The following ETV6 variants were observed in gnomAD, a reference collection of about 807,000 sequenced individuals.
ETV6 encodes the protein ETS variant transcription factor 6, also known as transcription factor ETV6.
In ETV6, 16 loss-of-function variants were observed where a neutral mutation model predicts 51.1. That is an observed-to-expected ratio of 0.31 (90% confidence interval 0.21 to 0.48). The LOEUF (loss-of-function observed/expected upper bound fraction) is 0.48. ETV6 is among the 20% of genes least tolerant of loss of function. The probability of loss-of-function intolerance (pLI) is 0.99; values close to 1 mark genes in which losing one functional copy is unlikely to be tolerated. For missense variants in ETV6, 458 were observed against 594.8 expected (o/e 0.77, Z 2.39); for synonymous variants, 240 against 224.1 (o/e 1.07, Z -0.64).
chr12:11,775,957 A>G (rs1305376760), intron 2 of ETV6, among the ~76,000 whole-genome samples: 1 of 152,212 alleles, frequency 6.6e-6, no homozygotes, highest in East Asian at 1.9e-4. Flanking sequence ...CAGCATTTCT[A>G]AAGTTCTAGA....
chr12:11,829,998 G>C (rs1323709026), intron 2 of ETV6, among the ~76,000 whole-genome samples: 2 of 152,180 alleles, frequency 1.3e-5, no homozygotes, highest in Non-Finnish European at 2.9e-5. Flanking sequence ...CTGGCCTGGG[G>C]GTTTTGAGCA....
intron 2 of ETV6, among the ~76,000 whole-genome samples, chr12:11,794,792 T>C (rs1343157942): frequency 1.3e-5 from 2 of 152,242 alleles, no homozygotes; most frequent in Admixed American, 6.5e-5. Context: ...TCTCTAGTTA[T>C]CATTCCATGC....
chr12:11,827,884 C>T (rs752174714), intron 2 of ETV6, among the ~76,000 whole-genome samples: 7 of 152,118 alleles, frequency 4.6e-5, no homozygotes, highest in Non-Finnish European at 1.0e-4. Context: ...ATTCAGGCAC[C>T]CTCAGGAGAG....
intron 2 of ETV6, among the ~76,000 whole-genome samples, chr12:11,773,194 A>C (rs1288958822): frequency 6.9e-6 from 1 of 144,666 alleles, no homozygotes; most frequent in Non-Finnish European, 1.5e-5. Flanking sequence ...CTCCATCTCA[A>C]AAAAAAAAAA....
At chr12:11,678,581 T>C (rs1384519293) in intron 1 of ETV6, among the ~76,000 whole-genome samples, 1 of 152,214 alleles carries the variant, frequency 6.6e-6, no homozygotes, top group African/African-American at 2.4e-5. Context: ...GTTCATACAA[T>C]TTCAAGAATT....
At chr12:11,842,937 C>T (rs1946411548) in intron 3 of ETV6, among the ~76,000 whole-genome samples, 1 of 152,122 alleles carries the variant, frequency 6.6e-6, no homozygotes, top group Non-Finnish European at 1.5e-5. Flanking sequence ...CCAGGACATT[C>T]AAGAAAACTT....
intron 1 of ETV6, among the ~76,000 whole-genome samples, chr12:11,706,274 C>T (rs146602920): frequency 7.5e-4 from 114 of 152,310 alleles, no homozygotes; most frequent in Non-Finnish European, 1.3e-3. Context: ...GTGAGAAAAG[C>T]AGGATGGCAG....
At chr12:11,840,257 T>A (rs1053421220) in intron 3 of ETV6, among the ~76,000 whole-genome samples, 1 of 152,230 alleles carries the variant, frequency 6.6e-6, no homozygotes. Context: ...GTAACAAGCA[T>A]CTCTACCTGC....
At chr12:11,654,090 A>G (rs1202493858) in intron 1 of ETV6, among the ~76,000 whole-genome samples, 1 of 152,160 alleles carries the variant, frequency 6.6e-6, no homozygotes, top group Non-Finnish European at 1.5e-5. Flanking sequence ...CTGAGATTAC[A>G]GGTGTGAGCC....
chr12:11,792,560 GC>G (rs1352016317), intron 2 of ETV6, among the ~76,000 whole-genome samples: 1 of 152,060 alleles, frequency 6.6e-6, no homozygotes, highest in Non-Finnish European at 1.5e-5. Context: ...GGTGGCGCAC[GC>G]CTGTAATCCC....
intron 5 of ETV6, among the ~76,000 whole-genome samples, chr12:11,870,340 A>C (rs1284944383): frequency 2.0e-5 from 3 of 152,146 alleles, no homozygotes; most frequent in Non-Finnish European, 2.9e-5. Context: ...CAGCATAAAG[A>C]AGCTTTGTCT....
intron 1 of ETV6, among the ~76,000 whole-genome samples, chr12:11,672,728 C>T (rs908419244): frequency 3.9e-4 from 60 of 152,354 alleles, no homozygotes; most frequent in African/African-American, 1.4e-3. Flanking sequence ...GTGTTAACAG[C>T]AGGGCCACTG....
intron 2 of ETV6, among the ~76,000 whole-genome samples, chr12:11,799,802 A>G (rs186298203): frequency 1.9e-3 from 295 of 152,116 alleles, no homozygotes; most frequent in African/African-American, 6.8e-3. Flanking sequence ...GAGACAACCT[A>G]TTGCCTAGGT....
At chr12:11,745,517 C>T (rs548246902) in intron 1 of ETV6, among the ~76,000 whole-genome samples, 1 of 152,208 alleles carries the variant, frequency 6.6e-6, no homozygotes, top group South Asian at 2.1e-4. Context: ...TCTTTTTTCC[C>T]CCACAGGCCA....
chr12:11,799,757 G>T (rs546880578), intron 2 of ETV6, among the ~76,000 whole-genome samples: 3 of 152,092 alleles, frequency 2.0e-5, no homozygotes. Flanking sequence ...ATGTGTGTGC[G>T]TGTGTGTGTT....
At chr12:11,714,436 C>G (rs1012107449) in intron 1 of ETV6, among the ~76,000 whole-genome samples, 1 of 152,144 alleles carries the variant, frequency 6.6e-6, no homozygotes, top group Non-Finnish European at 1.5e-5. Flanking sequence ...TGCCTAACTA[C>G]GCAGCCTGCC....
At chr12:11,686,144 A>G (rs1457521336) in intron 1 of ETV6, among the ~76,000 whole-genome samples, 3 of 152,248 alleles carry the variant, frequency 2.0e-5, no homozygotes, top group African/African-American at 7.2e-5. Context: ...AGTCAGCTAC[A>G]TTAAAAGCTG....
Position 11,869,325 on chromosome 12 carries a change from ACCTACACGCT to A in ETV6, c.464-95_464-86del. On this transcript the variant is annotated intron_variant, in intron 4 of 7. Coordinates refer to ENST00000396373, the MANE Select transcript of ETV6 (RefSeq NM_001987.5). The surrounding 1 kb of genome is among the most constrained non-coding windows in gnomAD (Gnocchi z 5.0). ...CTGGGGAGAAAGGTCCTTTACACATACCTACACGCTCCTCCATTTACCGCCTGTAGAGCCG... is the reference window on the plus strand; with the variant it reads ...CTGGGGAGAAAGGTCCTTTACACATACCTCCATTTACCGCCTGTAGAGCCG... 9.8e-7 allele frequency: 1 copy of A among 1,025,484 alleles called. No homozygotes were observed. 63.5% of individuals were successfully genotyped at this position (1,025,484 alleles called of 1,614,324 possible).
chr12:11,757,735 C>T (rs1468818162), intron 2 of ETV6, among the ~76,000 whole-genome samples: 1 of 152,138 alleles, frequency 6.6e-6, no homozygotes, highest in Non-Finnish European at 1.5e-5. Flanking sequence ...CACTGCTGAC[C>T]GCTGAAGTCT....
Sources: allele counts gnomAD v4.1 joint callset (sites outside exome capture counted in the v4.1 genomes callset), GRCh38; gene constraint gnomAD v4.1.1; non-coding constraint Gnocchi (gnomAD v3.1); transcripts MANE v1.5; gene names NCBI Gene and HGNC (gene_info 2026-07-23, HGNC 2026-07-21).